LIMS1: variants seen among roughly 807,000 people sequenced by gnomAD.
LIMS1 encodes the protein LIM zinc finger domain containing 1.
LIMS1 carries 18 observed loss-of-function variants against 44.1 expected under a neutral mutation model. The ratio of observed to expected loss-of-function variants is 0.41; its 90% CI spans 0.28 to 0.61. The LOEUF (loss-of-function observed/expected upper bound fraction) is 0.61. Ranked by LOEUF, LIMS1 falls within the 20% of genes least tolerant of loss-of-function variation. The probability of loss-of-function intolerance (pLI) is 0.32; values close to 1 mark genes in which losing one functional copy is unlikely to be tolerated. For missense variants in LIMS1, 201 were observed against 422.0 expected, an observed-to-expected ratio of 0.48 and a Z score of 4.59; for synonymous variants, 93 against 149.1, an observed-to-expected ratio of 0.62 and a Z score of 2.74.
In LIMS1 at chr2:108,624,801, G is replaced by A. The variant is rs1190763316; in HGVS notation, c.33-34804G>A. On this transcript the variant is annotated intron_variant, in intron 1 of 9. Transcript: ENST00000544547. ...ATAACAATATAGGGGCTGGTAGGCC[G>A]GGTGCGGTGGCTCACGCCTATAATC... 5.9e-5 allele frequency among the ~76,000 whole-genome samples: 9 copies of A among 151,732 alleles called. 1 individual carries two copies. In the South Asian group the frequency reaches 1.5e-3, roughly 25 times the overall value.
chr2:108,622,416 A>T (rs573968483), intron 1 of LIMS1, among the ~76,000 whole-genome samples: 1 of 152,312 alleles, frequency 6.6e-6, no homozygotes, highest in East Asian at 1.9e-4. Flanking sequence ...TTAAATTTGT[A>T]TTTGTCACAG....
At position 108,576,503 on chromosome 2, in the gene LIMS1, C is replaced by T. The variant is rs976586713; in HGVS notation, c.32+41909C>T. On this transcript the variant is annotated intron_variant, in intron 1 of 9. Transcript: ENST00000544547. ...GCGACCTCTGCCTCCCGGGTTCAAG[C>T]GATTCTTCTGCCTCAGCCTCCCGAG... Among the ~76,000 whole-genome samples the T allele has an allele frequency of 1.4e-4, 22 of 152,234 alleles. No homozygotes were observed. The South Asian group carries it at 2.9e-3, about 20-fold the overall frequency.
rs146178921 is a variant in LIMS1 at position 108,617,650 on chromosome 2, G to A, written c.33-41955G>A. 1.3e-3 allele frequency among the ~76,000 whole-genome samples: 202 copies of A among 152,306 alleles called. 1 individual carries two copies. The highest frequency in any genetic ancestry group is 1.8e-3 in the Admixed American group (27 of 15,304). ...ATGTCCCTGGCCCTATAGATGCAGC[G>A]GTAAGTGGGATATGGGGTTTAGAAA... On this transcript the variant is annotated intron_variant, in intron 1 of 9. Transcript: ENST00000544547.
chr2:108,649,021 GAAA>G (rs1319273792), intron 1 of LIMS1, among the ~76,000 whole-genome samples: 1 of 152,126 alleles, frequency 6.6e-6, no homozygotes, highest in Non-Finnish European at 1.5e-5. Flanking sequence ...CATAGCAGAA[GAAA>G]CAATCATCAG....
intron 5 of LIMS1, among the ~76,000 whole-genome samples, chr2:108,675,047 A>G (rs537485855): frequency 6.6e-6 from 1 of 152,122 alleles, no homozygotes; most frequent in Non-Finnish European, 1.5e-5. Flanking sequence ...AAATAAACCT[A>G]TTAACCTATA....
At chr2:108,554,244 A>ATT (rs1684849470) in intron 1 of LIMS1, among the ~76,000 whole-genome samples, 1 of 152,170 alleles carries the variant, frequency 6.6e-6, no homozygotes, top group Non-Finnish European at 1.5e-5. Flanking sequence ...TCCTGTGGAA[A>ATT]ATCTAGGAGA....
intron 1 of LIMS1, among the ~76,000 whole-genome samples, chr2:108,579,463 CAA>C (rs1319510998): frequency 7.9e-5 from 12 of 152,236 alleles, no homozygotes; most frequent in African/African-American, 2.2e-4. Flanking sequence ...ATGTAATACA[CAA>C]GAGTGCAAAA....
chr2:108,621,710 T>TA (rs1491430883), intron 1 of LIMS1, among the ~76,000 whole-genome samples: 1 of 152,186 alleles, frequency 6.6e-6, no homozygotes, highest in Non-Finnish European at 1.5e-5. Flanking sequence ...ACAGTGTTGT[T>TA]ATGTCTTTAA....
intron 1 of LIMS1, among the ~76,000 whole-genome samples, chr2:108,574,357 T>A (rs1262967636): frequency 6.6e-6 from 1 of 152,226 alleles, no homozygotes; most frequent in Non-Finnish European, 1.5e-5. Context: ...TGCTTATGAA[T>A]GACCTGGTGC....
rs1687331817 is a variant in LIMS1 at position 108,607,421 on chromosome 2, A to T, written c.33-52184A>T. 2.6e-5 allele frequency among the ~76,000 whole-genome samples: 4 copies of T among 152,172 alleles called. No homozygotes were observed. The South Asian group carries it at 8.3e-4, about 32-fold the overall frequency. ...GGTGTATTTTTGTGCATCTAGTAGG[A>T]TTCACTATGGTTTCATTTTTAGGTA... On this transcript the variant is annotated intron_variant, in intron 1 of 9. Coordinates refer to ENST00000544547, the Ensembl canonical transcript of LIMS1.
At chr2:108,669,728 A>G (rs1378631042) in intron 2 of LIMS1, among the ~76,000 whole-genome samples, 2 of 152,118 alleles carry the variant, frequency 1.3e-5, no homozygotes, top group African/African-American at 2.4e-5. Context: ...CTATTAAAAA[A>G]AAAAAAGGAA....
chr2:108,550,424 G>A (rs1423679496), intron 1 of LIMS1, among the ~76,000 whole-genome samples: 1 of 151,908 alleles, frequency 6.6e-6, no homozygotes, highest in Non-Finnish European at 1.5e-5. Context: ...GCGTGAACCT[G>A]GGAGGCGGAG....
intron 1 of LIMS1, among the ~76,000 whole-genome samples, chr2:108,573,670 A>T (rs1011888225): frequency 2.6e-5 from 4 of 152,192 alleles, no homozygotes; most frequent in African/African-American, 9.7e-5. Context: ...CTCTGTCTTC[A>T]TGGTGCTCAT....
intron 1 of LIMS1, among the ~76,000 whole-genome samples, chr2:108,536,507 A>G (rs1684147989): frequency 1.3e-5 from 2 of 152,218 alleles, no homozygotes; most frequent in Non-Finnish European, 2.9e-5. Context: ...TTAACTGTTC[A>G]CATGTTTGAA....
chr2:108,610,912 G>C (rs1687562509), intron 1 of LIMS1, among the ~76,000 whole-genome samples: 1 of 152,220 alleles, frequency 6.6e-6, no homozygotes, highest in Non-Finnish European at 1.5e-5. Flanking sequence ...CAGGAGCTCA[G>C]ATAATCCTCA....
chr2:108,600,771 T>C (rs1284580535), intron 1 of LIMS1, among the ~76,000 whole-genome samples: 3 of 152,242 alleles, frequency 2.0e-5, no homozygotes, highest in Admixed American at 1.3e-4. Flanking sequence ...TTGGTTACTA[T>C]AGCTCTCCAG....
chr2:108,634,041 G>A (rs902707450), intron 1 of LIMS1, among the ~76,000 whole-genome samples: 2 of 152,212 alleles, frequency 1.3e-5, no homozygotes, highest in Admixed American at 6.5e-5. Flanking sequence ...GATGCTGGCT[G>A]TAGCCTCTTT....
chr2:108,615,793 C>G (rs1250398808), intron 1 of LIMS1, among the ~76,000 whole-genome samples: 1 of 152,198 alleles, frequency 6.6e-6, no homozygotes, highest in Non-Finnish European at 1.5e-5. Context: ...TAATGTTAGC[C>G]TGCAGAGAAG....
chr2:108,662,616 T>C (rs1691457739), intron 2 of LIMS1: 1 of 999,414 alleles, frequency 1.0e-6, no homozygotes, highest in African/African-American at 1.7e-5. Flanking sequence ...CATTTCTTTT[T>C]GGTTAAATGA....
Sources: gnomAD v4.1 joint callset for allele counts (sites outside exome capture counted in the v4.1 genomes callset) on GRCh38, gnomAD v4.1.1 for gene constraint, MANE v1.5 for transcripts, NCBI Gene and HGNC (gene_info 2026-07-23, HGNC 2026-07-21) for gene names.